The following AHDC1 variants were observed in gnomAD, a reference collection of about 807,000 sequenced individuals.
AHDC1 encodes transcription factor Gibbin.
In AHDC1, 7 loss-of-function variants were observed where a neutral mutation model predicts 87.9. The ratio of observed to expected loss-of-function variants is 0.08; its 90% CI spans 0.05 to 0.15. The LOEUF (loss-of-function observed/expected upper bound fraction) is 0.15. Among genes scored for constraint, AHDC1 ranks in the 10% least tolerant of loss-of-function variants. The pLI, the probability that AHDC1 is intolerant of heterozygous loss-of-function variation, is 1.00. For synonymous variants in AHDC1, 1,051 were observed against 1,006.8 expected, an observed-to-expected ratio of 1.04 and a Z score of -0.83; for missense variants, 1,841 against 2,253.2, an observed-to-expected ratio of 0.82 and a Z score of 3.70.
chr1:27,589,899 G>A (rs1332719368), intron 3 of AHDC1, among the ~76,000 whole-genome samples: 6 of 151,818 alleles, frequency 4.0e-5, no homozygotes, highest in Admixed American at 6.5e-5. Flanking sequence ...CACCCAGGCC[G>A]CCTTCTGCCC....
rs1055973080 is a variant in AHDC1, at chr1:27,593,799, A to G, written c.-629+9598T>C. Among the ~76,000 whole-genome samples the G allele has an allele frequency of 6.6e-6, 1 of 152,212 alleles. No homozygotes were observed. The highest frequency in any genetic ancestry group is 1.5e-5 in the Non-Finnish European group (1 of 68,028). ...CCCCAGGGCACAAGAGGCAGGCAGG[A>G]GATCGATTCACTGAATTTTTTAAGG... On this transcript the variant is annotated intron_variant, in intron 3 of 8. Coordinates refer to ENST00000673934, the MANE Select transcript of AHDC1 (RefSeq NM_001371928.1). This position sits in a 1 kb window ranked among gnomAD's most constrained non-coding sequence, Gnocchi z 4.9.
Position 27,551,579 on chromosome 1 carries a change from G to A in AHDC1, c.537C>T (p.Ser179=). ...SSPSLANSIR[S]PEERATPHAK... The stretch of plus-strand genomic sequence containing the variant: ...CGTGTGGGGTGGCCCGCTCCTCAGG[G>A]CTACGGATGCTGTTGGCCAAACTGG... Residue 179 remains serine (S), a synonymous_variant, in exon 8 of 9, where the codon AGC becomes AGT. Coordinates refer to ENST00000673934, the MANE Select transcript of AHDC1 (RefSeq NM_001371928.1). 2.5e-6 allele frequency: 4 copies of A among 1,610,888 alleles called. No homozygotes were observed. Among genetic ancestry groups the A allele is most frequent in the Non-Finnish European group, 3.4e-6 (4 of 1,177,792 alleles).
rs775751260 is a variant in AHDC1 at position 27,549,853 on chromosome 1, C to A, written c.2263G>T (p.Val755Leu). Reference protein sequence around the residue: ...RKNGTLFPEQVPSGPGFGEAG... With the variant: ...RKNGTLFPEQLPSGPGFGEAG... ...TCCCCAAAGCCTGGGCCACTGGGCA[C>A]CTGCTCTGGGAACAGAGTCCCATTC... The change falls in exon 8 of 9, where the codon GTG (valine) becomes TTG (leucine). Residue 755 changes from valine to leucine, a missense_variant. This residue lies in a region of AHDC1 where 236 missense variants were observed against 257.9 expected (regional missense o/e 0.92). Coordinates refer to ENST00000673934, the MANE Select transcript of AHDC1 (RefSeq NM_001371928.1). The A allele has an allele frequency of 3.1e-6, 5 of 1,613,248 alleles. No homozygotes were observed. Among genetic ancestry groups the A allele is most frequent in the Non-Finnish European group, 3.4e-6 (4 of 1,179,482 alleles).
In AHDC1 at chr1:27,563,341, CAAGA is replaced by C. The variant is rs1339876228; in HGVS notation, c.-628-4462_-628-4459del. 6.7e-6 allele frequency among the ~76,000 whole-genome samples: 1 copy of C among 148,482 alleles called. No homozygotes were observed. Among genetic ancestry groups the C allele is most frequent in the East Asian group, 1.9e-4 (1 of 5,172 alleles). ...ACACAGAACCTGTCACACAGCTGAC[CAAGA>C]CACACACACACACACACACACACGT... is the stretch of plus-strand genomic sequence containing the variant. On this transcript the variant is annotated intron_variant, in intron 3 of 8. Coordinates refer to ENST00000673934, the MANE Select transcript of AHDC1 (RefSeq NM_001371928.1). The surrounding 1 kb of genome is among the most constrained non-coding windows in gnomAD (Gnocchi z 6.1).
At position 27,598,037 on chromosome 1, in the gene AHDC1, GCTGT is replaced by G. The variant is rs956727872; in HGVS notation, c.-629+5356_-629+5359del. On this transcript the variant is annotated intron_variant, in intron 3 of 8. Coordinates refer to ENST00000673934, the MANE Select transcript of AHDC1 (RefSeq NM_001371928.1). The surrounding 1 kb of genome is among the most constrained non-coding windows in gnomAD (Gnocchi z 4.2). ...ATCTGTTTCACCACCCATCTGTCTG[GCTGT>G]CTGTGTTAGTCCTTCCAAGGGTGCC... Among the ~76,000 whole-genome samples the G allele has an allele frequency of 4.6e-5, 7 of 152,136 alleles. No individual in the cohort carries two copies. Among genetic ancestry groups the G allele is most frequent in the Non-Finnish European group, 8.8e-5 (6 of 68,024 alleles).
At position 27,550,375 on chromosome 1, in the gene AHDC1, T is replaced by C. The variant is rs371241974; in HGVS notation, c.1741A>G (p.Met581Val). ...AATVAAATMA[M>V]PEVKKRRRRK... ...CGCCGTCGTTTTTTTACCTCTGGCA[T>C]GGCCATGGTGGCCGCTGCCACAGTG... Residue 581 changes from methionine to valine, a missense_variant, in exon 8 of 9, where the codon ATG becomes GTG. Met to Val is a conservative substitution (Grantham distance 21). Coordinates refer to ENST00000673934, the MANE Select transcript of AHDC1 (RefSeq NM_001371928.1). The C allele has an allele frequency of 2.8e-5, 45 of 1,613,040 alleles. No individual in the cohort carries two copies. The highest frequency in any genetic ancestry group is 3.7e-5 in the Non-Finnish European group (44 of 1,179,498).
chr1:27,572,160 G>A (rs1345783933), intron 3 of AHDC1, among the ~76,000 whole-genome samples: 1 of 152,146 alleles, frequency 6.6e-6, no homozygotes, highest in Non-Finnish European at 1.5e-5. Flanking sequence ...ATTGGTTCTG[G>A]AGGAGATTGA....
chr1:27,572,757 C>G (rs777518891), intron 3 of AHDC1, among the ~76,000 whole-genome samples: 3 of 152,252 alleles, frequency 2.0e-5, no homozygotes, highest in Non-Finnish European at 4.4e-5. Flanking sequence ...AAGCCCGGCT[C>G]TCTGCTTCAT....
rs1462078483 is a variant in AHDC1 at position 27,548,398 on chromosome 1, C to T, written c.3718G>A (p.Asp1240Asn). ...KPGRGRRKKV[D>N]LFEASHLGFP... ...CCCAGATGTGAGGCCTCGAACAGGT[C>T]CACCTTCTTCCGCCGTCCACGGCCC... Residue 1240 changes from aspartate (D) to asparagine (N), a missense_variant, in exon 8 of 9, where the codon GAC becomes AAC. Asp to Asn is a conservative substitution (Grantham distance 23). This residue lies in a region of AHDC1 where 505 missense variants were observed against 626.2 expected (regional missense o/e 0.81). Coordinates refer to ENST00000673934, the MANE Select transcript of AHDC1 (RefSeq NM_001371928.1). 1 of 1,609,742 alleles carries T rather than the reference C, an allele frequency of 6.2e-7. No homozygotes were observed.
intron 3 of AHDC1, among the ~76,000 whole-genome samples, chr1:27,594,418 C>T (rs1008722949): frequency 6.6e-6 from 1 of 152,200 alleles, no homozygotes; most frequent in Non-Finnish European, 1.5e-5. Flanking sequence ...CACATACATG[C>T]CAGAGCCAGG....
At chr1:27,588,613 G>A (rs1052322994) in intron 3 of AHDC1, among the ~76,000 whole-genome samples, 3 of 152,204 alleles carry the variant, frequency 2.0e-5, no homozygotes, top group Non-Finnish European at 2.9e-5. Flanking sequence ...GGCAGAGAGA[G>A]TGTTTATGAG....
At position 27,549,927 on chromosome 1, in the gene AHDC1, TC is replaced by T; in HGVS notation, c.2188del (p.Glu730ArgfsTer2). 2 of 1,612,256 alleles carry T rather than the reference TC, an allele frequency of 1.2e-6. No homozygotes were observed. Among genetic ancestry groups the T allele is most frequent in the Non-Finnish European group, 8.5e-7 (1 of 1,179,490 alleles). On this transcript the variant is annotated frameshift_variant, in exon 8 of 9. Coordinates refer to ENST00000673934, the MANE Select transcript of AHDC1 (RefSeq NM_001371928.1). LOFTEE classifies it high-confidence loss of function. ...LGHPRKRGRG[E>X]VDAVTGKPKR... ...TGGCTTCCCAGTCACAGCGTCTACC[TC>T]CCCCCGGCCCCGTTTGCGTGGGTGC... is the stretch of plus-strand genomic sequence containing the variant.
Position 27,548,796 on chromosome 1 carries a change from T to C in AHDC1, c.3320A>G (p.Gln1107Arg). 1.9e-6 allele frequency: 3 copies of C among 1,612,836 alleles called. No homozygotes were observed. Among genetic ancestry groups the C allele is most frequent in the South Asian group, 1.1e-5 (1 of 91,078 alleles). Reference protein sequence around the residue: ...ENCRQFAGASQWPFRQGYGGL... With the variant: ...ENCRQFAGASRWPFRQGYGGL... ...TCCATAGCCCTGCCGGAAAGGCCAC[T>C]GAGAAGCCCCCGCAAACTGCCGACA... The change falls in exon 8 of 9, where the codon CAG becomes CGG. Residue 1107 changes from glutamine (Q) to arginine (R), a missense_variant. Around this residue, in one of 13 missense-constraint regions of AHDC1, gnomAD observed 378 missense variants for 399.0 expected, o/e 0.95. Coordinates refer to ENST00000673934, the MANE Select transcript of AHDC1 (RefSeq NM_001371928.1).
At chr1:27,602,823 C>A (rs1049909244) in intron 3 of AHDC1, among the ~76,000 whole-genome samples, 1 of 152,154 alleles carries the variant, frequency 6.6e-6, no homozygotes, top group African/African-American at 2.4e-5. Context: ...CCCCACACCC[C>A]CTCCGGGTCA....
In AHDC1 at chr1:27,548,081, T is replaced by G. The variant is rs777354209; in HGVS notation, c.4035A>C (p.Gly1345=). 2 of 1,613,786 alleles carry G rather than the reference T, an allele frequency of 1.2e-6. No individual in the cohort carries two copies. The highest frequency in any genetic ancestry group is 2.2e-5 in the South Asian group (2 of 91,080). Residue 1345 remains glycine, a synonymous_variant, in exon 8 of 9, where the codon GGA becomes GGC. Transcript: ENST00000673934. ...GCGTGGACGGGTTCATGGAGTAGGG[T>G]CCTATGAAGTCACAGGGGTCTCGCT... is the stretch of plus-strand genomic sequence containing the variant. ...VGERDPCDFI[G]PYSMNPSTPS...
At position 27,551,167 on chromosome 1, in the gene AHDC1, G is replaced by A. The variant is rs572846692; in HGVS notation, c.949C>T (p.Leu317=). Residue 317 remains leucine, a synonymous_variant, in exon 8 of 9, where the codon CTG becomes TTG. Transcript: ENST00000673934. ...LGLPGLALQA[L]DTLPDSLESQ... ...TCCAAGGAGTCAGGCAGGGTGTCCA[G>A]GGCCTGGAGAGCCAGGCCCGGCAGC... 1.2e-5 allele frequency: 19 copies of A among 1,609,010 alleles called. No individual in the cohort carries two copies. The East Asian group carries it at 4.0e-4, about 34-fold the overall frequency.
chr1:27,599,877 C>T (rs184548497), intron 3 of AHDC1, among the ~76,000 whole-genome samples: 1 of 152,082 alleles, frequency 6.6e-6, no homozygotes, highest in East Asian at 1.9e-4. Context: ...CCCATTCTCC[C>T]TCCTCCTGTG....
chr1:27,536,036 C>T (rs538069864), intron 8 of AHDC1, among the ~76,000 whole-genome samples: 2 of 152,060 alleles, frequency 1.3e-5, no homozygotes, highest in Non-Finnish European at 2.9e-5. Flanking sequence ...CATCTCCATC[C>T]GAATTAAAGG....
rs182951988 is a variant in AHDC1, at chr1:27,563,725, C to T, written c.-628-4842G>A. On this transcript the variant is annotated intron_variant, in intron 3 of 8. Coordinates refer to ENST00000673934, the MANE Select transcript of AHDC1 (RefSeq NM_001371928.1). This position sits in a 1 kb window ranked among gnomAD's most constrained non-coding sequence, Gnocchi z 6.1. ...GAAGGCACACAGGGCTCTGGTGTGA[C>T]CTTGGCCTCTGGACACCAGGAGGGG... Among the ~76,000 whole-genome samples the T allele has an allele frequency of 9.2e-5, 14 of 152,330 alleles. No individual in the cohort carries two copies. The highest frequency in any genetic ancestry group is 5.9e-4 in the Admixed American group (9 of 15,306).
Sources: gnomAD v4.1 joint callset for allele counts (sites outside exome capture counted in the v4.1 genomes callset) on GRCh38, gnomAD v4.1.1 for gene constraint, gnomAD v4.1.1 regional missense constraint, Gnocchi (gnomAD v3.1) non-coding constraint, MANE v1.5 for transcripts, NCBI Gene and HGNC (gene_info 2026-07-23, HGNC 2026-07-21) for gene names.